GPC6: variants seen among roughly 807,000 people sequenced by gnomAD.
GPC6 encodes glypican 6.
A neutral mutation model predicts 55.2 loss-of-function variants in GPC6; 14 were observed. The ratio of observed to expected loss-of-function variants is 0.25; its 90% confidence interval spans 0.17 to 0.40. GPC6 has a LOEUF of 0.40. Among genes scored for constraint, GPC6 ranks in the 10% least tolerant of loss-of-function variants. The probability of loss-of-function intolerance (pLI) is 1.00; values close to 1 mark genes in which losing one functional copy is unlikely to be tolerated. For synonymous variants in GPC6, 278 were observed against 259.6 expected, an observed-to-expected ratio of 1.07 and a Z score of -0.68; for missense variants, 641 against 708.5, an observed-to-expected ratio of 0.90 and a Z score of 1.08.
At chr13:93,969,700 A>AT (rs569429401) in intron 3 of GPC6, among the ~76,000 whole-genome samples, 5 of 150,012 alleles carry the variant, frequency 3.3e-5, no homozygotes, top group East Asian at 2.0e-4. Flanking sequence ...ATTTACATCC[A>AT]TTTTTTTTTC....
chr13:93,529,510 C>CTTTTTTTTTTTTT (rs1165594323), intron 1 of GPC6, among the ~76,000 whole-genome samples: 1 of 85,196 alleles, frequency 1.2e-5, no homozygotes. Context: ...CTCTGAGATT[C>CTTTTTTTTTTTTT]TTTTTTTTTT....
intron 5 of GPC6, among the ~76,000 whole-genome samples, chr13:94,293,600 T>C (rs986551013): frequency 1.3e-5 from 2 of 152,130 alleles, no homozygotes; most frequent in Admixed American, 6.5e-5. Context: ...CAAGACAGAG[T>C]CCTTGCTCTG....
At chr13:93,645,245 CTGT>C (rs979489618) in intron 2 of GPC6, among the ~76,000 whole-genome samples, 1 of 116,744 alleles carries the variant, frequency 8.6e-6, no homozygotes, top group African/African-American at 2.7e-5. Context: ...TGAGAGCCTA[CTGT>C]TTTTTTTTTT....
At chr13:94,101,401 A>C (rs1167316241) in intron 4 of GPC6, among the ~76,000 whole-genome samples, 1 of 152,184 alleles carries the variant, frequency 6.6e-6, no homozygotes, top group Non-Finnish European at 1.5e-5. Context: ...ATGTCCATGG[A>C]CTGTGATCAC....
At chr13:94,267,664 T>G (rs1251061908) in intron 4 of GPC6, among the ~76,000 whole-genome samples, 1 of 152,218 alleles carries the variant, frequency 6.6e-6, no homozygotes, top group African/African-American at 2.4e-5. Context: ...TCTTGCTCCA[T>G]CTAAAGTGTG....
At chr13:93,558,879 G>A (rs893425321) in intron 2 of GPC6, among the ~76,000 whole-genome samples, 1 of 152,128 alleles carries the variant, frequency 6.6e-6, no homozygotes, top group African/African-American at 2.4e-5. Context: ...TAGTGTGTGT[G>A]TTTGTATAAC....
At chr13:94,062,957 A>G (rs1884385416) in intron 4 of GPC6, among the ~76,000 whole-genome samples, 1 of 152,180 alleles carries the variant, frequency 6.6e-6, no homozygotes. Context: ...ATTTTACAAG[A>G]GAAATAATGC....
intron 1 of GPC6, among the ~76,000 whole-genome samples, chr13:93,266,618 G>T (rs1010228869): frequency 7.2e-5 from 11 of 152,192 alleles, no homozygotes; most frequent in African/African-American, 2.7e-4. Flanking sequence ...TATAGAAGCT[G>T]AGGGCATTCG....
chr13:93,552,366 C>A (rs9524129), intron 2 of GPC6, among the ~76,000 whole-genome samples: 42,997 of 151,910 alleles, frequency 0.28, 6,252 homozygotes, highest in African/African-American at 0.33. Flanking sequence ...AAGAGAAGAT[C>A]CTGGTAGGGG....
chr13:93,521,487 T>C (rs1331374659), intron 1 of GPC6, among the ~76,000 whole-genome samples: 1 of 152,016 alleles, frequency 6.6e-6, no homozygotes, highest in Non-Finnish European at 1.5e-5. Context: ...TTGTCTTATG[T>C]TGGCAGGTGC....
chr13:93,587,722 G>A (rs1397426994), intron 2 of GPC6, among the ~76,000 whole-genome samples: 1 of 152,148 alleles, frequency 6.6e-6, no homozygotes, highest in African/African-American at 2.4e-5. Context: ...GCCCAAGGAA[G>A]TAACCTCAGG....
chr13:93,825,596 C>G (rs1158128018), intron 2 of GPC6, among the ~76,000 whole-genome samples: 1 of 152,184 alleles, frequency 6.6e-6, no homozygotes, highest in Non-Finnish European at 1.5e-5. Context: ...GTGGGTCTCC[C>G]TTCATTAACG....
At chr13:93,957,967 A>C (rs927468150) in intron 3 of GPC6, among the ~76,000 whole-genome samples, 3 of 152,178 alleles carry the variant, frequency 2.0e-5, no homozygotes, top group African/African-American at 7.2e-5. Flanking sequence ...ACAATTAGTG[A>C]TGATGACCAT....
At chr13:94,296,352 T>A (rs181027070) in intron 5 of GPC6, among the ~76,000 whole-genome samples, 68 of 152,330 alleles carry the variant, frequency 4.5e-4, no homozygotes, top group Non-Finnish European at 2.2e-4. Context: ...TGTAGCCTAC[T>A]CAAGAATAAA....
chr13:93,226,343 T>A (rs193042989), upstream of GPC6, among the ~76,000 whole-genome samples: 205 of 152,284 alleles, frequency 1.3e-3, 1 homozygote, highest in African/African-American at 4.5e-3. Flanking sequence ...GGGGAAATTG[T>A]TGAGTCTAGA....
chr13:93,709,409 T>A (rs1050562603), intron 2 of GPC6, among the ~76,000 whole-genome samples: 1 of 151,312 alleles, frequency 6.6e-6, no homozygotes, highest in African/African-American at 2.4e-5. Context: ...CCTTACATAT[T>A]TTTTTTTGCT....
intron 1 of GPC6, among the ~76,000 whole-genome samples, chr13:93,402,366 C>T (rs1351427663): frequency 6.6e-6 from 1 of 152,098 alleles, no homozygotes; most frequent in Non-Finnish European, 1.5e-5. Flanking sequence ...TTGTAGCACG[C>T]CATCCCAGAT....
intron 1 of GPC6, among the ~76,000 whole-genome samples, chr13:93,325,745 A>C (rs1378204784): frequency 6.6e-6 from 1 of 152,136 alleles, no homozygotes; most frequent in African/African-American, 2.4e-5. Flanking sequence ...GAGAGAAAAA[A>C]AGAGTGATGG....
intron 2 of GPC6, among the ~76,000 whole-genome samples, chr13:93,679,828 C>CAAA (rs11457336): frequency 3.9e-4 from 57 of 146,294 alleles, no homozygotes; most frequent in African/African-American, 1.2e-3. Flanking sequence ...GTGTTATGAG[C>CAAA]AAAAAAAAAA....
Sources: gnomAD v4.1 joint callset for allele counts (sites outside exome capture counted in the v4.1 genomes callset) on GRCh38, gnomAD v4.1.1 for gene constraint, MANE v1.5 for transcripts, NCBI Gene and HGNC (gene_info 2026-07-23, HGNC 2026-07-21) for gene names.